MCC: variants seen among roughly 807,000 people sequenced by gnomAD.
MCC encodes the protein MCC regulator of Wnt signaling pathway.
Under a neutral mutation model 116.2 loss-of-function variants are expected in MCC, and 90 were observed. That is an observed-to-expected ratio of 0.77 (90% CI 0.65 to 0.92). MCC has a LOEUF of 0.92. MCC is among the 40% of genes least tolerant of loss of function. The pLI, the probability that MCC is intolerant of heterozygous loss-of-function variation, is 0.00. For synonymous variants in MCC, 578 were observed against 510.5 expected (o/e 1.13, Z -1.78); for missense variants, 1,516 against 1,312.2 (o/e 1.16, Z -2.40).
At chr5:113,089,470 C>A (rs181332806) in intron 8 of MCC, among the ~76,000 whole-genome samples, 124 of 152,278 alleles carry the variant, frequency 8.1e-4, no homozygotes, top group African/African-American at 2.9e-3. Flanking sequence ...AGTTGGTGAG[C>A]CAAGAGCTCT....
At chr5:113,424,615 A>G (rs891610953) in intron 1 of MCC, among the ~76,000 whole-genome samples, 6 of 152,120 alleles carry the variant, frequency 3.9e-5, no homozygotes, top group African/African-American at 1.2e-4. Flanking sequence ...CTTGGAGGCT[A>G]GGCAGGAGAA....
At chr5:113,347,109 A>C (rs1220242846) in intron 2 of MCC, among the ~76,000 whole-genome samples, 2 of 152,192 alleles carry the variant, frequency 1.3e-5, no homozygotes, top group Non-Finnish European at 2.9e-5. Flanking sequence ...ATCTGAAAGA[A>C]AAGGATATTA....
chr5:113,411,582 CT>C (rs1375385281), intron 1 of MCC, among the ~76,000 whole-genome samples: 9 of 151,080 alleles, frequency 6.0e-5, no homozygotes, highest in Non-Finnish European at 1.3e-4. Context: ...AGGAGTAATT[CT>C]TAACTCCAAC....
chr5:113,356,238 T>C (rs1047476088), intron 2 of MCC, among the ~76,000 whole-genome samples: 2 of 151,744 alleles, frequency 1.3e-5, no homozygotes, highest in Non-Finnish European at 2.9e-5. Flanking sequence ...GGTCTCACTA[T>C]GTTGTCCCAG....
At chr5:113,279,212 C>T (rs2150356446) in intron 3 of MCC, among the ~76,000 whole-genome samples, 1 of 152,238 alleles carries the variant, frequency 6.6e-6, no homozygotes, top group South Asian at 2.1e-4. Flanking sequence ...CTCATCATTT[C>T]ACGACATGGT....
rs1754434334 is a variant in MCC at position 113,076,093 on chromosome 5, G to A, written c.1785-4859C>T. ...TAAGAACTGTAACACTCACTGCGAG[G>A]GTCCACGGCTTCATTCTTGAAGTCA... On this transcript the variant is annotated intron_variant, in intron 11 of 18. Coordinates refer to ENST00000408903, the MANE Select transcript of MCC (RefSeq NM_001085377.2). Among the ~76,000 whole-genome samples the A allele has an allele frequency of 2.0e-5, 3 of 152,084 alleles. No homozygotes were observed. The South Asian group carries it at 6.2e-4, about 32-fold the overall frequency.
At chr5:113,059,025 G>C (rs1235638024) in intron 14 of MCC, among the ~76,000 whole-genome samples, 2 of 152,178 alleles carry the variant, frequency 1.3e-5, no homozygotes, top group African/African-American at 4.8e-5. Flanking sequence ...CACGAACGCA[G>C]GCAGGCAGAG....
chr5:113,410,030 AT>A (rs1191827618), intron 1 of MCC, among the ~76,000 whole-genome samples: 3 of 152,228 alleles, frequency 2.0e-5, no homozygotes, highest in Middle Eastern at 3.2e-3. Context: ...TTCTACACTT[AT>A]GTGTGTGGAT....
Position 113,170,808 on chromosome 5 carries a change from G to A in MCC, c.628-19386C>T, listed in dbSNP as rs7705726. Among the ~76,000 whole-genome samples the A allele has an allele frequency of 8.4e-3, 1,275 of 152,194 alleles. 19 individuals are homozygous for A. The highest frequency in any genetic ancestry group is 0.029 in the African/African-American group (1,225 of 41,530). On this transcript the variant is annotated intron_variant, in intron 3 of 18. Transcript: ENST00000408903. ...AAGCAACTCATATGTTTTGCTCCCA[G>A]AAAAGAGCCCTTGGGAATACTTATC...
chr5:113,054,753 G>A (rs955325073), intron 14 of MCC, among the ~76,000 whole-genome samples: 1 of 152,188 alleles, frequency 6.6e-6, no homozygotes, highest in Non-Finnish European at 1.5e-5. Context: ...AGCCCAAGGT[G>A]AATGGTGACC....
chr5:113,436,378 A>T (rs894154019), intron 1 of MCC: 1 of 152,262 alleles, frequency 6.6e-6, no homozygotes, highest in Non-Finnish European at 1.5e-5. Context: ...AGCCAAGGCC[A>T]TTCCAAAATT....
chr5:113,455,466 G>A (rs1206994651), intron 1 of MCC, among the ~76,000 whole-genome samples: 1 of 152,120 alleles, frequency 6.6e-6, no homozygotes, highest in Non-Finnish European at 1.5e-5. Context: ...CACGTCTCAG[G>A]GGTCTGTAAC....
At chr5:113,446,630 C>T (rs2150418123) in intron 1 of MCC, among the ~76,000 whole-genome samples, 1 of 152,240 alleles carries the variant, frequency 6.6e-6, no homozygotes, top group East Asian at 1.9e-4. Context: ...AAAGGGGATG[C>T]TAATGCACTG....
chr5:113,183,739 G>A (rs1234076330), intron 3 of MCC, among the ~76,000 whole-genome samples: 1 of 152,194 alleles, frequency 6.6e-6, no homozygotes, highest in South Asian at 2.1e-4. Flanking sequence ...GACCAGTCCA[G>A]AGGGATGGGA....
At position 113,294,511 on chromosome 5, in the gene MCC, C is replaced by G. The variant is rs566775655; in HGVS notation, c.627+46008G>C. Reference sequence around the variant, plus strand: ...TTTTAGTCTAGACAGCCATTTTCACCCAGGACAGTTGCGAAGCGCAAACGG... The same window carrying G: ...TTTTAGTCTAGACAGCCATTTTCACGCAGGACAGTTGCGAAGCGCAAACGG... On this transcript the variant is annotated intron_variant, in intron 3 of 18. Coordinates refer to ENST00000408903, the MANE Select transcript of MCC (RefSeq NM_001085377.2). The G allele has an allele frequency of 9.1e-5, 140 of 1,534,382 alleles. 1 individual carries two copies. In the East Asian group the frequency reaches 1.5e-3, roughly 16 times the overall value.
At chr5:113,439,648 T>C (rs1250871491) in intron 1 of MCC, among the ~76,000 whole-genome samples, 2 of 152,174 alleles carry the variant, frequency 1.3e-5, no homozygotes, top group Admixed American at 1.3e-4. Flanking sequence ...GGCAAAATCC[T>C]AGCCTGTGGT....
At chr5:113,276,807 T>TA (rs1420040456) in intron 3 of MCC, among the ~76,000 whole-genome samples, 1 of 109,842 alleles carries the variant, frequency 9.1e-6, no homozygotes. Context: ...TTCTTCTTAT[T>TA]TTTTTTTTTT....
intron 3 of MCC, among the ~76,000 whole-genome samples, chr5:113,216,707 A>G (rs1252615007): frequency 6.6e-6 from 1 of 152,184 alleles, no homozygotes; most frequent in Non-Finnish European, 1.5e-5. Context: ...AACTGATGAA[A>G]TTTCTATTCT....
At chr5:113,200,145 A>T (rs1029665661) in intron 3 of MCC, among the ~76,000 whole-genome samples, 1 of 152,212 alleles carries the variant, frequency 6.6e-6, no homozygotes, top group Non-Finnish European at 1.5e-5. Context: ...TTTATATCCT[A>T]GCTACAGTGG....
Sources: allele counts gnomAD v4.1 joint callset (sites outside exome capture counted in the v4.1 genomes callset), GRCh38; gene constraint gnomAD v4.1.1; transcripts MANE v1.5; gene names NCBI Gene and HGNC (gene_info 2026-07-23, HGNC 2026-07-21).